The following NOVA2 variants were observed in gnomAD, a reference collection of about 807,000 sequenced individuals.
The protein encoded by NOVA2 is NOVA alternative splicing regulator 2.
A neutral mutation model predicts 22.5 loss-of-function variants in NOVA2; 9 were observed. That is an observed-to-expected ratio of 0.40 (90% CI 0.24 to 0.70). The LOEUF (loss-of-function observed/expected upper bound fraction) is 0.70, where lower values mean the gene tolerates loss of function less well. Ranked by LOEUF, NOVA2 falls within the 30% of genes least tolerant of loss-of-function variation. The pLI, the probability that NOVA2 is intolerant of heterozygous loss-of-function variation, is 0.38. For missense variants in NOVA2, 383 were observed against 682.8 expected (o/e 0.56, Z 4.89); for synonymous variants, 318 against 335.2 (o/e 0.95, Z 0.56).
intron 1 of NOVA2, among the ~76,000 whole-genome samples, chr19:45,964,173 CTTTTTCTTTTTT>C (rs1178892930): frequency 8.1e-6 from 1 of 123,334 alleles, no homozygotes; most frequent in African/African-American, 3.0e-5. Context: ...TTTTCTTTTT[CTTTTTCTTTTTT>C]TTTTTTTTTT....
intron 3 of NOVA2, 93 bp downstream of exon 3, chr19:45,953,687 C>T (rs1221670323): frequency 6.8e-7 from 1 of 1,471,406 alleles, no homozygotes; most frequent in Admixed American, 1.7e-5. Flanking sequence ...CAGCTTTGTC[C>T]CATTGAACCT....
chr19:45,966,204 C>A (rs1968165876), intron 1 of NOVA2, among the ~76,000 whole-genome samples: 2 of 152,174 alleles, frequency 1.3e-5, no homozygotes, highest in African/African-American at 2.4e-5. Flanking sequence ...TAATTCCTGT[C>A]TTTCTCATGC....
intron 2 of NOVA2, among the ~76,000 whole-genome samples, chr19:45,960,555 GAC>G (rs1968079396): frequency 6.6e-6 from 1 of 151,178 alleles, no homozygotes. Flanking sequence ...ATGAGAGGGA[GAC>G]ACATAAAGAA....
At chr19:45,945,815 C>T (rs980515951) in intron 3 of NOVA2, among the ~76,000 whole-genome samples, 7 of 151,346 alleles carry the variant, frequency 4.6e-5, no homozygotes, top group Admixed American at 1.3e-4. Flanking sequence ...GTTGGTCTCC[C>T]TGACTTTATT....
intron 3 of NOVA2, among the ~76,000 whole-genome samples, chr19:45,947,542 C>T: frequency 6.6e-6 from 1 of 151,158 alleles, no homozygotes; most frequent in Admixed American, 6.6e-5. Context: ...GGCGCAATCT[C>T]AGCTCACTGC....
rs754177721 is a variant in NOVA2, at chr19:45,973,392, T to TGCG, written c.-44_-42dup. ...CGGCGGCTGCTGCTGCTGCGGCGGC[T>TGCG]GCGGCGGCGGCGGCGGCGGCTGCTG... On this transcript the variant is annotated 5_prime_UTR_variant, in exon 1 of 4. Coordinates refer to ENST00000263257, the MANE Select transcript of NOVA2 (RefSeq NM_002516.4). 3.4e-5 allele frequency: 19 copies of TGCG among 562,138 alleles called. No individual in the cohort carries two copies. The highest frequency in any genetic ancestry group is 2.1e-4 in the East Asian group (4 of 18,698). The allele number at this position is 562,138 out of a possible 1,614,324, so 34.8% of individuals were successfully genotyped here. A position where few individuals can be genotyped will look rare whatever the true frequency, so the allele number is the denominator to read the frequency against.
At chr19:45,962,080 T>C (rs928513495) in intron 1 of NOVA2, among the ~76,000 whole-genome samples, 1 of 151,276 alleles carries the variant, frequency 6.6e-6, no homozygotes, top group African/African-American at 2.4e-5. Flanking sequence ...GTGGCCTGAC[T>C]TAGGTTTTAG....
intron 3 of NOVA2, among the ~76,000 whole-genome samples, chr19:45,946,733 G>A (rs561139746): frequency 3.9e-5 from 6 of 151,958 alleles, no homozygotes; most frequent in African/African-American, 1.5e-4. Context: ...TTAGCCAGGC[G>A]TGGTGGCACA....
intron 2 of NOVA2, 35 bp downstream of exon 2, chr19:45,960,975 G>A: frequency 6.4e-7 from 1 of 1,550,698 alleles, no homozygotes; most frequent in African/African-American, 1.4e-5. Flanking sequence ...AGGAAGGGCG[G>A]GGGGCCTAGG....
Position 45,953,782 on chromosome 19 carries a change from G to C in NOVA2, c.394C>G (p.Gln132Glu). Residue 132 changes from glutamine (Q) to glutamate (E), a missense_variant and splice_region_variant, in exon 3 of 4, where the codon CAG (glutamine) becomes GAG (glutamate). Gln to Glu is a conservative substitution (Grantham distance 29, BLOSUM62 2). Transcript: ENST00000263257. ...QTTMNPDRAK[Q>E]AKLIVPNSTA... ...ACCCAGTCTCTGCCCCAGCTGACCTGCTTGGCTCTGTCGGGGTTCATCGTG... is the reference window on the plus strand; with the variant it reads ...ACCCAGTCTCTGCCCCAGCTGACCTCCTTGGCTCTGTCGGGGTTCATCGTG... 1 of 1,614,186 alleles carries C rather than the reference G, an allele frequency of 6.2e-7. No individual in the cohort carries two copies. Among genetic ancestry groups the C allele is most frequent in the Non-Finnish European group, 8.5e-7 (1 of 1,180,028 alleles).
intron 3 of NOVA2, among the ~76,000 whole-genome samples, chr19:45,943,120 C>T (rs914474354): frequency 6.7e-6 from 1 of 148,536 alleles, no homozygotes; most frequent in African/African-American, 2.5e-5. Flanking sequence ...GTGGTGCGAT[C>T]TCGGCTCACT....
chr19:45,949,425 G>C (rs1568664606), intron 3 of NOVA2, among the ~76,000 whole-genome samples: 1 of 152,022 alleles, frequency 6.6e-6, no homozygotes, highest in Non-Finnish European at 1.5e-5. Context: ...TTTAGTCTGT[G>C]ATGCAGTATT....
At chr19:45,958,472 G>GA (rs1968041732) in intron 2 of NOVA2, among the ~76,000 whole-genome samples, 1 of 150,816 alleles carries the variant, frequency 6.6e-6, no homozygotes, top group Non-Finnish European at 1.5e-5. Context: ...GCGTGTGTGT[G>GA]AGTGGGATGT....
chr19:45,955,117 A>G (rs1413878364), intron 2 of NOVA2, among the ~76,000 whole-genome samples: 1 of 152,162 alleles, frequency 6.6e-6, no homozygotes, highest in Non-Finnish European at 1.5e-5. Context: ...AAGAAACAAA[A>G]GAATCTCACA....
chr19:45,964,928 G>T (rs1196875424), intron 1 of NOVA2, among the ~76,000 whole-genome samples: 1 of 152,106 alleles, frequency 6.6e-6, no homozygotes, highest in East Asian at 1.9e-4. Context: ...TGTGGTAAGA[G>T]GGGCTAGATG....
intron 3 of NOVA2, among the ~76,000 whole-genome samples, chr19:45,952,539 G>C (rs1967941693): frequency 6.6e-6 from 1 of 152,204 alleles, no homozygotes; most frequent in Non-Finnish European, 1.5e-5. Flanking sequence ...GGGGGTAGAA[G>C]GCTCAGGCAC....
At chr19:45,962,089 A>G (rs1161302947) in intron 1 of NOVA2, among the ~76,000 whole-genome samples, 2 of 152,142 alleles carry the variant, frequency 1.3e-5, no homozygotes, top group African/African-American at 4.8e-5. Flanking sequence ...CTTAGGTTTT[A>G]GGAGGATTCC....
intron 1 of NOVA2, 25 bp downstream of exon 1, chr19:45,973,237 CCCCCG>C: frequency 7.2e-7 from 1 of 1,395,274 alleles, no homozygotes; most frequent in Non-Finnish European, 9.5e-7. Context: ...CCTGCCCGCT[CCCCCG>C]CCCCGAGCCG....
chr19:45,962,905 C>T (rs1349584884), intron 1 of NOVA2, among the ~76,000 whole-genome samples: 2 of 152,138 alleles, frequency 1.3e-5, no homozygotes, highest in Admixed American at 1.3e-4. Flanking sequence ...ACCTCGGCCT[C>T]CCAAAGTGCT....
Sources: gnomAD v4.1 joint callset for allele counts (sites outside exome capture counted in the v4.1 genomes callset) on GRCh38, gnomAD v4.1.1 for gene constraint, MANE v1.5 for transcripts, NCBI Gene and HGNC (gene_info 2026-07-23, HGNC 2026-07-21) for gene names.